ZNF487: variants seen among roughly 807,000 people sequenced by gnomAD.
ZNF487 encodes zinc finger protein 487, also known as KRAB domain only 1.
Under a neutral mutation model 3.0 loss-of-function variants are expected in ZNF487, and 4 were observed. That is an observed-to-expected ratio of 1.35 (90% CI 0.66 to 3.08). ZNF487 has a LOEUF of 3.08. Among genes scored for constraint, ZNF487 ranks in the 30% most tolerant of loss-of-function variants. The pLI, the probability that ZNF487 is intolerant of heterozygous loss-of-function variation, is 0.01. For missense variants in ZNF487, 146 were observed against 98.7 expected, an observed-to-expected ratio of 1.48 and a Z score of -2.03; for synonymous variants, 55 against 34.6, an observed-to-expected ratio of 1.59 and a Z score of -2.06.
intron 1 of ZNF487, among the ~76,000 whole-genome samples, chr10:43,448,817 A>T (rs1839903607): frequency 6.6e-6 from 1 of 151,396 alleles, no homozygotes; most frequent in African/African-American, 2.4e-5. Context: ...ACTCCGTTTC[A>T]AAAAAATAAA....
intron 1 of ZNF487, among the ~76,000 whole-genome samples, chr10:43,456,580 T>C (rs912373865): frequency 2.0e-5 from 3 of 151,982 alleles, no homozygotes; most frequent in Admixed American, 6.6e-5. Flanking sequence ...TCTAAGAAAA[T>C]TATTTTTCTT....
chr10:43,511,742 G>A, the ZNF487 span, among the ~76,000 whole-genome samples: 1 of 152,312 alleles, frequency 6.6e-6, no homozygotes, highest in South Asian at 2.1e-4. Context: ...GACGACAGGG[G>A]TGGCTGAGGA....
chr10:43,512,912 T>C, the ZNF487 span, among the ~76,000 whole-genome samples: 2 of 152,176 alleles, frequency 1.3e-5, no homozygotes, highest in Non-Finnish European at 2.9e-5. Context: ...AACTTATTCT[T>C]CACCTTAGAA....
chr10:43,443,191 T>C (rs1224103893), intron 1 of ZNF487, among the ~76,000 whole-genome samples: 1 of 150,798 alleles, frequency 6.6e-6, no homozygotes, highest in East Asian at 2.0e-4. Flanking sequence ...GCCTCCCGAG[T>C]AGCTGGGATT....
At chr10:43,512,288 C>T in the ZNF487 span, among the ~76,000 whole-genome samples, 1 of 152,156 alleles carries the variant, frequency 6.6e-6, no homozygotes, top group East Asian at 1.9e-4. Flanking sequence ...GGAGTGGAGA[C>T]CATGGGCATT....
chr10:43,514,001 T>C, the ZNF487 span, among the ~76,000 whole-genome samples: 2 of 152,168 alleles, frequency 1.3e-5, no homozygotes, highest in Non-Finnish European at 2.9e-5. Context: ...AGTCACTATG[T>C]AAATTGTCGG....
At chr10:43,507,170 C>G in the ZNF487 span, among the ~76,000 whole-genome samples, 1 of 152,184 alleles carries the variant, frequency 6.6e-6, no homozygotes, top group African/African-American at 2.4e-5. Context: ...ACACAGCACC[C>G]TAACCAGTTG....
downstream of ZNF487, among the ~76,000 whole-genome samples, chr10:43,486,562 A>C (rs1227538329): frequency 6.6e-6 from 1 of 152,164 alleles, no homozygotes; most frequent in Non-Finnish European, 1.5e-5. Context: ...TGAAGGAAGG[A>C]AAGCAAAGAA....
chr10:43,465,610 C>T (rs1406692741), intron 1 of ZNF487, among the ~76,000 whole-genome samples: 1 of 151,920 alleles, frequency 6.6e-6, no homozygotes, highest in Non-Finnish European at 1.5e-5. Context: ...CAGAGACGCT[C>T]CTCACTTCCT....
At chr10:43,452,267 G>C (rs1256347235) in intron 1 of ZNF487, 1 of 152,130 alleles carries the variant, frequency 6.6e-6, no homozygotes, top group East Asian at 1.9e-4. Context: ...AAAAGCCCAG[G>C]TGCTTCCTCT....
intron 1 of ZNF487, among the ~76,000 whole-genome samples, chr10:43,470,616 C>T (rs1015406886): frequency 6.6e-6 from 1 of 152,030 alleles, no homozygotes; most frequent in East Asian, 1.9e-4. Context: ...AACTCCCGAC[C>T]TCAGGTGATC....
chr10:43,497,995 TA>T, the ZNF487 span, among the ~76,000 whole-genome samples: 16 of 143,680 alleles, frequency 1.1e-4, 1 homozygote, highest in South Asian at 1.1e-3. Context: ...TATATATATA[TA>T]TATATGTATA....
At chr10:43,464,937 T>G (rs1254750218) in intron 1 of ZNF487, among the ~76,000 whole-genome samples, 2 of 148,134 alleles carry the variant, frequency 1.4e-5, no homozygotes, top group Non-Finnish European at 1.5e-5. Flanking sequence ...CACTTCCCAG[T>G]AGGGGCGGCC....
chr10:43,508,382 C>T, the ZNF487 span, among the ~76,000 whole-genome samples: 1 of 152,124 alleles, frequency 6.6e-6, no homozygotes, highest in Non-Finnish European at 1.5e-5. Flanking sequence ...TCCAAGATAC[C>T]ACATGGTCAT....
chr10:43,449,251 A>G (rs1000128833), intron 1 of ZNF487, among the ~76,000 whole-genome samples: 16 of 151,674 alleles, frequency 1.1e-4, no homozygotes, highest in South Asian at 4.2e-4. Flanking sequence ...GTGAGCCAAG[A>G]TTGTGCCACT....
intron 1 of ZNF487, among the ~76,000 whole-genome samples, chr10:43,448,846 A>G (rs117229123): frequency 0.028 from 4,248 of 151,904 alleles, 94 homozygotes; most frequent in South Asian, 0.041. Context: ...AATAAAAAAA[A>G]TGAGCTGGGC....
At chr10:43,503,336 T>G in the ZNF487 span, among the ~76,000 whole-genome samples, 1 of 152,174 alleles carries the variant, frequency 6.6e-6, no homozygotes, top group Admixed American at 6.5e-5. Flanking sequence ...AAGAAAATAT[T>G]TTTGTACAGC....
intron 1 of ZNF487, among the ~76,000 whole-genome samples, chr10:43,446,307 C>T (rs539175007): frequency 6.6e-6 from 1 of 151,118 alleles, no homozygotes; most frequent in South Asian, 2.1e-4. Flanking sequence ...GGCGGGGGCG[C>T]CCCCCACCTC....
intron 1 of ZNF487, among the ~76,000 whole-genome samples, chr10:43,442,974 C>T (rs1306619830): frequency 1.3e-5 from 2 of 151,300 alleles, no homozygotes; most frequent in Admixed American, 6.6e-5. Flanking sequence ...ATTTAGGTGT[C>T]CATGTTTTAT....
Sources: gnomAD v4.1 joint callset for allele counts (sites outside exome capture counted in the v4.1 genomes callset) on GRCh38, gnomAD v4.1.1 for gene constraint, MANE v1.5 for transcripts, NCBI Gene and HGNC (gene_info 2026-07-23, HGNC 2026-07-21) for gene names.